BST1: variants seen among roughly 807,000 people sequenced by gnomAD.
BST1 encodes ADP-ribosyl cyclase/cyclic ADP-ribose hydrolase 2.
Under a neutral mutation model 40.6 loss-of-function variants are expected in BST1, and 49 were observed. That is an observed-to-expected ratio of 1.21 (90% CI 0.96 to 1.53). BST1 has a LOEUF of 1.53. Ranked by LOEUF, BST1 falls within the 40% of genes most tolerant of loss-of-function variation. BST1 has a pLI of 0.00. For synonymous variants in BST1, 157 were observed against 159.3 expected (o/e 0.99, Z 0.11); for missense variants, 423 against 395.9 (o/e 1.07, Z -0.58).
the BST1 span, among the ~76,000 whole-genome samples, chr4:15,762,170 C>A: frequency 3.2e-4 from 36 of 111,840 alleles, no homozygotes; most frequent in Non-Finnish European, 5.7e-4. Context: ...GCCTGGGCGA[C>A]GGAGTGAGAC....
At chr4:15,768,156 T>C in the BST1 span, among the ~76,000 whole-genome samples, 2 of 152,336 alleles carry the variant, frequency 1.3e-5, no homozygotes, top group Non-Finnish European at 2.9e-5. Flanking sequence ...ATCTGGACTT[T>C]CCAGTGATGC....
downstream of BST1, among the ~76,000 whole-genome samples, chr4:15,740,771 C>T (rs1721723333): frequency 2.0e-5 from 3 of 152,100 alleles, no homozygotes; most frequent in African/African-American, 7.2e-5. Flanking sequence ...GCATTATTTA[C>T]AAGCCAAACT....
chr4:15,749,652 A>G, the BST1 span, among the ~76,000 whole-genome samples: 1 of 152,122 alleles, frequency 6.6e-6, no homozygotes, highest in Admixed American at 6.5e-5. Flanking sequence ...TGTCATTCAC[A>G]AGCAAATGAC....
Position 15,715,735 on chromosome 4 carries a change from C to T in BST1, c.640C>T (p.Leu214Phe), listed in dbSNP as rs763925807. The T allele has an allele frequency of 2.5e-6, 4 of 1,602,002 alleles. No individual in the cohort carries two copies. Among genetic ancestry groups the T allele is most frequent in the South Asian group, 1.1e-5 (1 of 87,894 alleles). ...TTTTGCAGATTATGAAATTCCAAACCTCCAGAAGGAAAAAATTACACGAAT... is the reference window on the plus strand; with the variant it reads ...TTTTGCAGATTATGAAATTCCAAACTTCCAGAAGGAAAAAATTACACGAAT... ...GFFADYEIPN[L>F]QKEKITRIEI... is the part of the protein sequence containing the mutation. The change falls in exon 6 of 9, where the codon CTC becomes TTC. Residue 214 changes from leucine to phenylalanine, a missense_variant. Coordinates refer to ENST00000265016, the MANE Select transcript of BST1 (RefSeq NM_004334.3).
At chr4:15,704,291 T>A (rs1353618453) in intron 1 of BST1, among the ~76,000 whole-genome samples, 1 of 150,214 alleles carries the variant, frequency 6.7e-6, no homozygotes, top group Non-Finnish European at 1.5e-5. Flanking sequence ...GGTGTGTGTG[T>A]GTTCTGGAGT....
At chr4:15,706,183 A>G (rs1305262254) in intron 2 of BST1, among the ~76,000 whole-genome samples, 3 of 152,236 alleles carry the variant, frequency 2.0e-5, no homozygotes, top group African/African-American at 7.2e-5. Context: ...TCCAAATCAT[A>G]TCAGTTTCCA....
At chr4:15,713,822 G>A (rs2148883986) in intron 4 of BST1, among the ~76,000 whole-genome samples, 1 of 151,944 alleles carries the variant, frequency 6.6e-6, no homozygotes, top group Admixed American at 6.6e-5. Context: ...TCACACCTCA[G>A]CCTCCCGAGT....
At chr4:15,711,692 A>G (rs781220311) in intron 3 of BST1, 115 bp from the exon 4 acceptor site, 4 of 834,724 alleles carry the variant, frequency 4.8e-6, no homozygotes, top group Non-Finnish European at 8.0e-6. Flanking sequence ...ACTTGTACAC[A>G]TTGTACAGAA....
chr4:15,750,591 T>C, the BST1 span, among the ~76,000 whole-genome samples: 1 of 152,210 alleles, frequency 6.6e-6, no homozygotes, highest in East Asian at 1.9e-4. Flanking sequence ...CACAAAATAC[T>C]TGCAGCTACT....
chr4:15,727,428 C>A (rs1186069530), intron 8 of BST1, among the ~76,000 whole-genome samples: 3 of 152,156 alleles, frequency 2.0e-5, no homozygotes, highest in Non-Finnish European at 4.4e-5. Flanking sequence ...ATCACCCTGG[C>A]AGGAATTTTT....
At chr4:15,726,120 C>G (rs1447897066) in intron 8 of BST1, among the ~76,000 whole-genome samples, 4 of 149,692 alleles carry the variant, frequency 2.7e-5, no homozygotes, top group Non-Finnish European at 5.9e-5. Context: ...TACCACTACG[C>G]CAGCTAACTT....
chr4:15,771,707 C>T, the BST1 span, among the ~76,000 whole-genome samples: 1 of 152,230 alleles, frequency 6.6e-6, no homozygotes, highest in Non-Finnish European at 1.5e-5. Flanking sequence ...CAATATCTTT[C>T]CAAATTATAA....
At chr4:15,772,932 G>C in the BST1 span, among the ~76,000 whole-genome samples, 1 of 152,314 alleles carries the variant, frequency 6.6e-6, no homozygotes, top group Non-Finnish European at 1.5e-5. Flanking sequence ...GCAGACGTGG[G>C]CCAACAGACA....
intron 7 of BST1, among the ~76,000 whole-genome samples, chr4:15,720,317 T>G (rs1720740610): frequency 1.3e-5 from 2 of 152,118 alleles, no homozygotes. Context: ...GTAGTACATT[T>G]TAAAAAACAT....
chr4:15,731,604 G>A, intron 8 of BST1, 136 bp from the exon 9 acceptor site: 1 of 1,237,958 alleles, frequency 8.1e-7, no homozygotes, highest in Non-Finnish European at 1.2e-6. Context: ...CCTACGGGGT[G>A]TCACGGGAGA....
chr4:15,765,524 C>A, the BST1 span, among the ~76,000 whole-genome samples: 2 of 151,922 alleles, frequency 1.3e-5, no homozygotes, highest in Non-Finnish European at 2.9e-5. Flanking sequence ...TGTGCACCAG[C>A]GCCTGCCTAT....
At chr4:15,743,477 G>GA in the BST1 span, 333 of 250,696 alleles carry the variant, frequency 1.3e-3, no homozygotes, top group South Asian at 4.4e-3. Flanking sequence ...AATAGCAGAA[G>GA]AAAAAAAAAT....
the BST1 span, among the ~76,000 whole-genome samples, chr4:15,765,112 A>G: frequency 1.3e-5 from 2 of 151,930 alleles, no homozygotes; most frequent in Non-Finnish European, 2.9e-5. Context: ...TTTGTGGAGC[A>G]TGGCACGGTG....
At chr4:15,746,142 A>G in the BST1 span, among the ~76,000 whole-genome samples, 2 of 152,352 alleles carry the variant, frequency 1.3e-5, no homozygotes, top group East Asian at 3.9e-4. Flanking sequence ...TGCTGTCATA[A>G]AATACCACCA....
Sources: gnomAD v4.1 joint callset for allele counts (sites outside exome capture counted in the v4.1 genomes callset) on GRCh38, gnomAD v4.1.1 for gene constraint, MANE v1.5 for transcripts, NCBI Gene and HGNC (gene_info 2026-07-23, HGNC 2026-07-21) for gene names.